Variants in TRMT44 observed in about 807,000 individuals in gnomAD.
TRMT44 encodes the protein tRNA methyltransferase 44 homolog.
A neutral mutation model predicts 77.3 loss-of-function variants in TRMT44; 78 were observed. The observed-to-expected ratio is 1.01, with a 90% CI of 0.84 to 1.22. The LOEUF (loss-of-function observed/expected upper bound fraction) is 1.22, where lower values mean the gene tolerates loss of function less well. TRMT44 is among the 50% of genes most tolerant of loss of function. The pLI, the probability that TRMT44 is intolerant of heterozygous loss-of-function variation, is 0.00. For synonymous variants in TRMT44, 391 were observed against 383.3 expected, an observed-to-expected ratio of 1.02 and a Z score of -0.23; for missense variants, 1,090 against 964.4, an observed-to-expected ratio of 1.13 and a Z score of -1.73.
In TRMT44 at chr4:8,441,376, C is replaced by A; in HGVS notation, c.554C>A (p.Thr185Asn). ...AQRELDVVLR[T>N]VIPKTSPHCP... ...CGTGAGCTCGACGTGGTTCTCAGAA[C>A]CGTCATCCCGAAAACTAGCCCACAT... Residue 185 changes from threonine (T) to asparagine (N), a missense_variant, in exon 1 of 11, where the codon ACC becomes AAC. Physicochemically the swap from Thr to Asn is moderately conservative, Grantham distance 65 (BLOSUM62 0). Transcript: ENST00000389737. The A allele has an allele frequency of 6.5e-7, 1 of 1,532,754 alleles. No individual in the cohort carries two copies. Among genetic ancestry groups the A allele is most frequent in the Non-Finnish European group, 8.7e-7 (1 of 1,144,492 alleles). The allele number at this position is 1,532,754 out of a possible 1,614,324, so 94.9% of individuals were successfully genotyped here. A position where few individuals can be genotyped will look rare whatever the true frequency, so the allele number is the denominator to read the frequency against.
chr4:8,458,380 G>T (rs1725942375), intron 6 of TRMT44, among the ~76,000 whole-genome samples: 1 of 152,084 alleles, frequency 6.6e-6, no homozygotes, highest in African/African-American at 2.4e-5. Flanking sequence ...TGAAGAGGAT[G>T]GGGATGAAGA....
At chr4:8,489,852 G>A (rs911452132) in intron 2 of TRMT44, among the ~76,000 whole-genome samples, 5 of 152,212 alleles carry the variant, frequency 3.3e-5, no homozygotes, top group Non-Finnish European at 7.3e-5. Context: ...AAGGCCGTCA[G>A]ACTGGGGGAG....
At chr4:8,482,812 G>T (rs971773090) in intron 2 of TRMT44, among the ~76,000 whole-genome samples, 3 of 151,278 alleles carry the variant, frequency 2.0e-5, no homozygotes, top group Admixed American at 6.6e-5. Context: ...CAGGGGATGC[G>T]ATGGCTTGGC....
chr4:8,516,001 G>A, the TRMT44 span, among the ~76,000 whole-genome samples: 2 of 152,178 alleles, frequency 1.3e-5, no homozygotes, highest in Admixed American at 6.5e-5. Flanking sequence ...GAGTGAGATG[G>A]TTGTCCGTGG....
chr4:8,509,091 G>T, the TRMT44 span: 1 of 152,248 alleles, frequency 6.6e-6, no homozygotes, highest in Admixed American at 6.5e-5. Context: ...CGGAGATTTT[G>T]TAGTTGCAAC....
chr4:8,457,017 GCCC>G (rs34337697), intron 6 of TRMT44, among the ~76,000 whole-genome samples: 50,794 of 126,258 alleles, frequency 0.4, 9,979 homozygotes, highest in South Asian at 0.48. Context: ...CAAGACACCC[GCCC>G]CCCCCCCCCA....
chr4:8,469,816 C>T (rs770415432), intron 9 of TRMT44, among the ~76,000 whole-genome samples: 4 of 152,266 alleles, frequency 2.6e-5, no homozygotes, highest in Admixed American at 2.0e-4. Context: ...GGCCTTTGGT[C>T]GCCCCCACCC....
At chr4:8,474,656 G>A (rs1383409710) in intron 10 of TRMT44, among the ~76,000 whole-genome samples, 1 of 152,242 alleles carries the variant, frequency 6.6e-6, no homozygotes, top group South Asian at 2.1e-4. Context: ...AAGTCGGTGA[G>A]CCAGACTTCC....
intron 6 of TRMT44, among the ~76,000 whole-genome samples, chr4:8,455,793 C>T (rs1725770282): frequency 6.6e-6 from 1 of 152,030 alleles, no homozygotes; most frequent in South Asian, 2.1e-4. Flanking sequence ...GTACAGCTGG[C>T]CCTTGAACAA....
rs1161765449 is a variant in TRMT44 at position 8,444,797 on chromosome 4, T to G, written c.620-1679T>G. Among the ~76,000 whole-genome samples the G allele has an allele frequency of 2.0e-5, 3 of 152,246 alleles. No individual in the cohort carries two copies. The highest frequency in any genetic ancestry group is 4.4e-5 in the Non-Finnish European group (3 of 68,040). ...GATGGATGCCCCATTCTCCATGATG[T>G]GATTAGTTCACATTGCATGCCTGGA... On this transcript the variant is annotated intron_variant, in intron 1 of 10. Transcript: ENST00000389737. The surrounding 1 kb of genome is among the most constrained non-coding windows in gnomAD (Gnocchi z 4.0).
At chr4:8,475,111 G>A (rs1727289615) in intron 10 of TRMT44, among the ~76,000 whole-genome samples, 1 of 152,218 alleles carries the variant, frequency 6.6e-6, no homozygotes, top group African/African-American at 2.4e-5. Context: ...CCGGTTGGGA[G>A]GCGCATGTAA....
chr4:8,455,017 A>G (rs1394068868), intron 6 of TRMT44: 1 of 599,326 alleles, frequency 1.7e-6, no homozygotes, highest in Non-Finnish European at 2.9e-6. Context: ...AACTGACTGA[A>G]GGGCGCTGAC....
At chr4:8,466,516 G>C (rs1726558733) in intron 8 of TRMT44, among the ~76,000 whole-genome samples, 1 of 152,222 alleles carries the variant, frequency 6.6e-6, no homozygotes, top group Non-Finnish European at 1.5e-5. Context: ...CAGGCCTCAG[G>C]GCCGCTGGCG....
At chr4:8,514,249 ATCT>A in the TRMT44 span, among the ~76,000 whole-genome samples, 1 of 124,502 alleles carries the variant, frequency 8.0e-6, no homozygotes, top group Non-Finnish European at 1.6e-5. Flanking sequence ...CTGGGCTCTG[ATCT>A]TTTTTTTTTT....
At chr4:8,514,251 CTTTTTTTTT>C in the TRMT44 span, among the ~76,000 whole-genome samples, 25 of 114,242 alleles carry the variant, frequency 2.2e-4, no homozygotes, top group South Asian at 7.0e-3. Flanking sequence ...GGGCTCTGAT[CTTTTTTTTT>C]TTTTTTTTTT....
chr4:8,445,582 C>A lies in TRMT44; in HGVS notation c.620-894C>A, dbSNP rs181852848. 4.6e-5 allele frequency among the ~76,000 whole-genome samples: 7 copies of A among 152,378 alleles called. No homozygotes were observed. In the East Asian group the frequency reaches 1.2e-3, roughly 25 times the overall value. The stretch of plus-strand genomic sequence containing the variant: ...TTCCAGGTGCCCCATGGCACACTCC[C>A]TGACCTCCTTCGGCTCTCTGCTCAA... On this transcript the variant is annotated intron_variant, in intron 1 of 10. Transcript: ENST00000389737.
In TRMT44 at chr4:8,465,029, A is replaced by G. The variant is rs1170993875; in HGVS notation, c.1311-349A>G. ...AGCTAAACATTGAGTACACAGGGAC[A>G]TCAAGATGGCAGCAGTAGACACTGG... On this transcript the variant is annotated intron_variant, in intron 7 of 10. Transcript: ENST00000389737. Among the ~76,000 whole-genome samples the G allele has an allele frequency of 2.6e-5, 4 of 152,300 alleles. 1 individual carries two copies. The highest frequency in any genetic ancestry group is 2.6e-4 in the Admixed American group (4 of 15,306).
intron 2 of TRMT44, among the ~76,000 whole-genome samples, chr4:8,449,413 T>C (rs1181694798): frequency 6.6e-6 from 1 of 152,332 alleles, no homozygotes; most frequent in African/African-American, 2.4e-5. Flanking sequence ...AGGCCTTTAT[T>C]TGTTCAGCCG....
chr4:8,509,169 CAA>C, the TRMT44 span: 2 of 127,058 alleles, frequency 1.6e-5, no homozygotes, highest in African/African-American at 2.9e-5. Flanking sequence ...TTGAAGGAAC[CAA>C]AGAGATCCTT....
Sources: gnomAD v4.1 joint callset for allele counts (sites outside exome capture counted in the v4.1 genomes callset) on GRCh38, gnomAD v4.1.1 for gene constraint, Gnocchi (gnomAD v3.1) non-coding constraint, MANE v1.5 for transcripts, NCBI Gene and HGNC (gene_info 2026-07-23, HGNC 2026-07-21) for gene names.